The following PRIMA1 variants were observed in gnomAD, a reference collection of about 807,000 sequenced individuals.
PRIMA1 encodes the protein proline-rich membrane anchor 1.
PRIMA1 carries 7 observed loss-of-function variants against 17.5 expected under a neutral mutation model. The ratio of observed to expected loss-of-function variants is 0.40; its 90% CI spans 0.23 to 0.75. The LOEUF (loss-of-function observed/expected upper bound fraction) is 0.75, where lower values mean the gene tolerates loss of function less well. Ranked by LOEUF, PRIMA1 falls within the 30% of genes least tolerant of loss-of-function variation. The pLI, the probability that PRIMA1 is intolerant of heterozygous loss-of-function variation, is 0.37. For missense variants in PRIMA1, 200 were observed against 201.8 expected, an observed-to-expected ratio of 0.99 and a Z score of 0.05; for synonymous variants, 97 against 77.9, an observed-to-expected ratio of 1.25 and a Z score of -1.29.
chr14:93,771,137 C>T (rs1366610855), intron 3 of PRIMA1, among the ~76,000 whole-genome samples: 9 of 142,758 alleles, frequency 6.3e-5, no homozygotes, highest in South Asian at 2.3e-4. Context: ...TGCATGTGCA[C>T]GTATGTGTGT....
rs766939735 is a variant in PRIMA1 at position 93,727,093 on chromosome 14, C to T, written c.360-5547G>A. Among the ~76,000 whole-genome samples, 3 of 152,170 alleles carry T rather than the reference C, an allele frequency of 2.0e-5. No individual in the cohort carries two copies. In the South Asian group the frequency reaches 6.2e-4, roughly 32 times the overall value. The stretch of plus-strand genomic sequence containing the variant: ...CAGCCCCACGTCCAGCCTCCATCGC[C>T]CAGGGGGGTGGGAGACAGGCATGCG... On this transcript the variant is annotated intron_variant, in intron 4 of 4. Transcript: ENST00000393140.
chr14:93,740,766 C>T (rs17129159), intron 3 of PRIMA1, among the ~76,000 whole-genome samples: 104,330 of 152,008 alleles, frequency 0.69, 36,637 homozygotes, highest in Middle Eastern at 0.8. Context: ...CCAGCAGCTA[C>T]GGATGTTAAT....
intron 3 of PRIMA1, among the ~76,000 whole-genome samples, chr14:93,741,045 G>A (rs1209489613): frequency 1.3e-5 from 2 of 152,202 alleles, no homozygotes; most frequent in African/African-American, 4.8e-5. Flanking sequence ...TATTCTGCAA[G>A]CACACTTATC....
intron 4 of PRIMA1, among the ~76,000 whole-genome samples, chr14:93,724,472 C>T (rs936451613): frequency 3.3e-5 from 5 of 152,198 alleles, no homozygotes; most frequent in African/African-American, 1.2e-4. Context: ...CCTCTGTCCC[C>T]TTCATCCCCG....
Position 93,718,599 on chromosome 14 carries a change from C to T in PRIMA1, c.*2845G>A, listed in dbSNP as rs1425459033. On this transcript the variant is annotated 3_prime_UTR_variant, in exon 5 of 5. Coordinates refer to ENST00000393140, the MANE Select transcript of PRIMA1 (RefSeq NM_178013.4). ...CACTACCTGGGCAGTTTAACTCATA[C>T]TTTGTACAGATGCAGAGAGTACAGT... The T allele has an allele frequency of 6.6e-6, 1 of 152,226 alleles. No individual in the cohort carries two copies. The highest frequency in any genetic ancestry group is 1.5e-5 in the Non-Finnish European group (1 of 68,010). 9.4% of individuals were successfully genotyped at this position (152,226 alleles called of 1,614,324 possible). A position where few individuals can be genotyped will look rare whatever the true frequency, so the allele number is the denominator to read the frequency against.
chr14:93,739,756 G>A (rs2076173139), intron 3 of PRIMA1, among the ~76,000 whole-genome samples: 1 of 152,148 alleles, frequency 6.6e-6, no homozygotes, highest in Admixed American at 6.5e-5. Context: ...AGCCTCAGGT[G>A]TCACAGAGAC....
intron 3 of PRIMA1, among the ~76,000 whole-genome samples, chr14:93,743,526 T>G (rs2141165758): frequency 6.6e-6 from 1 of 152,372 alleles, no homozygotes; most frequent in African/African-American, 2.4e-5. Flanking sequence ...TGCAGTCTAG[T>G]GCCACTTGTC....
intron 4 of PRIMA1, among the ~76,000 whole-genome samples, chr14:93,724,204 T>C (rs1315954490): frequency 6.6e-6 from 1 of 152,216 alleles, no homozygotes; most frequent in Non-Finnish European, 1.5e-5. Flanking sequence ...ATATGAGCTC[T>C]GGGACCTCAT....
rs2076022481 is a variant in PRIMA1 at position 93,719,348 on chromosome 14, A to G, written c.*2096T>C. On this transcript the variant is annotated 3_prime_UTR_variant, in exon 5 of 5. Transcript: ENST00000393140. ...AGCCAAGGTAGGGAATGATGGGACCAGGCGAGTGTGCGCAAAGCTGGGCTG... is the reference window on the plus strand; with the variant it reads ...AGCCAAGGTAGGGAATGATGGGACCGGGCGAGTGTGCGCAAAGCTGGGCTG... 6.6e-6 allele frequency: 1 copy of G among 152,234 alleles called. No individual in the cohort carries two copies. The allele number at this position is 152,234 out of a possible 1,614,324, so 9.4% of individuals were successfully genotyped here. A position where few individuals can be genotyped will look rare whatever the true frequency, so the allele number is the denominator to read the frequency against.
intron 4 of PRIMA1, among the ~76,000 whole-genome samples, chr14:93,729,975 A>G (rs949572654): frequency 6.6e-6 from 1 of 152,190 alleles, no homozygotes; most frequent in Non-Finnish European, 1.5e-5. Flanking sequence ...CCCAACACTT[A>G]AAATTTGGTG....
At chr14:93,774,070 C>T (rs894319266) in intron 3 of PRIMA1, among the ~76,000 whole-genome samples, 10 of 151,694 alleles carry the variant, frequency 6.6e-5, no homozygotes, top group African/African-American at 1.7e-4. Context: ...TCAGCCTGGG[C>T]GACAAAGAGA....
chr14:93,723,412 C>G (rs2076055144), intron 4 of PRIMA1, among the ~76,000 whole-genome samples: 1 of 152,144 alleles, frequency 6.6e-6, no homozygotes, highest in African/African-American at 2.4e-5. Context: ...GGATAAAGCC[C>G]TGAGTGAGTG....
intron 3 of PRIMA1, among the ~76,000 whole-genome samples, chr14:93,778,907 G>A (rs1039537267): frequency 9.2e-5 from 14 of 151,834 alleles, no homozygotes; most frequent in South Asian, 4.2e-4. Context: ...TCTGGCCTTC[G>A]GAACTATCCA....
intron 3 of PRIMA1, among the ~76,000 whole-genome samples, chr14:93,756,776 C>A (rs1217823037): frequency 2.6e-5 from 4 of 152,162 alleles, no homozygotes; most frequent in Non-Finnish European, 1.5e-5. Flanking sequence ...TCTCCTCCCC[C>A]AATCCTCCAT....
intron 3 of PRIMA1, among the ~76,000 whole-genome samples, chr14:93,754,836 C>T (rs536091673): frequency 1.3e-5 from 2 of 152,140 alleles, no homozygotes; most frequent in Non-Finnish European, 2.9e-5. Flanking sequence ...TTGACAGGGA[C>T]ATGAATGGGG....
At chr14:93,755,695 T>G (rs539000696) in intron 3 of PRIMA1, among the ~76,000 whole-genome samples, 4 of 152,192 alleles carry the variant, frequency 2.6e-5, no homozygotes, top group African/African-American at 4.8e-5. Context: ...AGACAAGGCA[T>G]GTACAGCCCT....
chr14:93,731,129 A>C (rs1052451346), intron 4 of PRIMA1, among the ~76,000 whole-genome samples: 2 of 152,188 alleles, frequency 1.3e-5, no homozygotes, highest in Non-Finnish European at 2.9e-5. Flanking sequence ...TATGCACAAT[A>C]TGTTCTTTGT....
intron 4 of PRIMA1, among the ~76,000 whole-genome samples, chr14:93,728,102 C>T (rs2076090921): frequency 1.3e-5 from 2 of 152,214 alleles, no homozygotes; most frequent in Admixed American, 6.5e-5. Context: ...GACTCCCCAA[C>T]CTCAGGCACA....
At chr14:93,730,242 G>A (rs942347574) in intron 4 of PRIMA1, among the ~76,000 whole-genome samples, 1 of 152,200 alleles carries the variant, frequency 6.6e-6, no homozygotes, top group African/African-American at 2.4e-5. Context: ...ACACAACCAC[G>A]CATTCGCAAG....
Sources: gnomAD v4.1 joint callset for allele counts (sites outside exome capture counted in the v4.1 genomes callset) on GRCh38, gnomAD v4.1.1 for gene constraint, MANE v1.5 for transcripts, NCBI Gene and HGNC (gene_info 2026-07-23, HGNC 2026-07-21) for gene names.